LRP1B: variants seen among roughly 807,000 people sequenced by gnomAD.
The protein encoded by LRP1B is low-density lipoprotein receptor-related protein 1B.
A neutral mutation model predicts 556.6 loss-of-function variants in LRP1B; 217 were observed. That is an observed-to-expected ratio of 0.39 (90% CI 0.35 to 0.44). The LOEUF is 0.44. Among genes scored for constraint, LRP1B ranks in the 20% least tolerant of loss-of-function variants. LRP1B has a pLI of 1.00. For missense variants in LRP1B, 5,053 were observed against 5,620.8 expected (o/e 0.90, Z 3.23); for synonymous variants, 2,047 against 1,865.8 (o/e 1.10, Z -2.50).
chr2:140,883,827 G>A lies in LRP1B; in HGVS notation c.4159C>T (p.Pro1387Ser), dbSNP rs2105186629. 2 of 1,612,898 alleles carry A rather than the reference G, an allele frequency of 1.2e-6. No homozygotes were observed. The highest frequency in any genetic ancestry group is 1.7e-6 in the Non-Finnish European group (2 of 1,179,548). The change falls in exon 25 of 91, where the codon CCA (proline) becomes TCA (serine). Residue 1387 changes from proline (P) to serine (S), a missense_variant. This residue lies in a region of LRP1B where 3,619 missense variants were observed against 3,931.9 expected (regional missense o/e 0.92). Transcript: ENST00000389484. ...MEHPRAIALD[P>S]RYGILFWTDW... The stretch of plus-strand genomic sequence containing the variant: ...GGCAAACTTCTTTACCCATATCTTG[G>A]GTCCAAAGCAATGGCCCTGGGGTGT...
chr2:141,523,150 CCTT>C (rs59002262), intron 2 of LRP1B, among the ~76,000 whole-genome samples: 4,738 of 152,000 alleles, frequency 0.031, 265 homozygotes, highest in African/African-American at 0.11. Context: ...GTGCTGTAAA[CCTT>C]CTTAGAATTT....
intron 2 of LRP1B, among the ~76,000 whole-genome samples, chr2:141,606,867 G>A (rs1687932978): frequency 1.3e-5 from 2 of 152,046 alleles, no homozygotes; most frequent in African/African-American, 4.8e-5. Flanking sequence ...ACTATACGAG[G>A]AATATATTAA....
intron 1 of LRP1B, among the ~76,000 whole-genome samples, chr2:141,984,143 T>C (rs1702119562): frequency 2.0e-5 from 3 of 149,868 alleles, no homozygotes; most frequent in Admixed American, 6.6e-5. Context: ...AGAGGCTTGC[T>C]GAAAGAGTAA....
intron 1 of LRP1B, among the ~76,000 whole-genome samples, chr2:142,102,683 T>C (rs1706611497): frequency 2.0e-5 from 3 of 151,846 alleles, no homozygotes. Context: ...AATTGGGTCA[T>C]GGAAGATCTA....
At chr2:140,879,242 C>T (rs1476064504) in intron 25 of LRP1B, among the ~76,000 whole-genome samples, 1 of 152,036 alleles carries the variant, frequency 6.6e-6, no homozygotes, top group African/African-American at 2.4e-5. Context: ...GTGGAGAGTC[C>T]AACTATCCAT....
intron 22 of LRP1B, among the ~76,000 whole-genome samples, chr2:140,905,156 C>T (rs1314607120): frequency 3.9e-5 from 6 of 152,054 alleles, no homozygotes; most frequent in Non-Finnish European, 7.4e-5. Context: ...TAGACTTCAG[C>T]CTTGGCCAAT....
intron 1 of LRP1B, among the ~76,000 whole-genome samples, chr2:141,930,274 G>A (rs1245381022): frequency 1.3e-5 from 2 of 151,998 alleles, no homozygotes; most frequent in Admixed American, 6.6e-5. Context: ...ATGATTTTAA[G>A]TATTTGAGCT....
intron 1 of LRP1B, among the ~76,000 whole-genome samples, chr2:142,022,062 T>A (rs1435453913): frequency 6.6e-6 from 1 of 152,138 alleles, no homozygotes; most frequent in East Asian, 1.9e-4. Flanking sequence ...TAGATTTTTC[T>A]TATTAAAGTA....
At chr2:141,638,584 G>GTTT (rs1202371852) in intron 2 of LRP1B, among the ~76,000 whole-genome samples, 2 of 117,708 alleles carry the variant, frequency 1.7e-5, no homozygotes, top group Admixed American at 1.7e-4. Context: ...ACACACTGGA[G>GTTT]GCCGAGACCA....
chr2:141,788,643 T>C (rs902454361), intron 2 of LRP1B, among the ~76,000 whole-genome samples: 1 of 152,006 alleles, frequency 6.6e-6, no homozygotes, highest in African/African-American at 2.4e-5. Context: ...TAACTCATCA[T>C]TTAACATTTG....
intron 3 of LRP1B, among the ~76,000 whole-genome samples, chr2:141,464,606 A>ATATTTTTTTTTTTTTTTTTTT: frequency 0.11 from 9,657 of 85,898 alleles, 1,242 homozygotes; most frequent in Non-Finnish European, 0.17. Context: ...ATATATATAT[A>ATATTTTTTTTTTTTTTTTTTT]TTTTTTTAGT....
At position 141,642,271 on chromosome 2, in the gene LRP1B, C is replaced by T. The variant is rs1227697443; in HGVS notation, c.206-161738G>A. 2.0e-5 allele frequency among the ~76,000 whole-genome samples: 3 copies of T among 152,092 alleles called. No individual in the cohort carries two copies. In the East Asian group the frequency reaches 5.8e-4, roughly 29 times the overall value. On this transcript the variant is annotated intron_variant, in intron 2 of 90. Transcript: ENST00000389484. ...ATTAAAAGTAACAATTCATTTACCT[C>T]TCTGAATCTGTTTCCTCATTTAAAT...
At chr2:141,697,697 A>T (rs532757581) in intron 2 of LRP1B, among the ~76,000 whole-genome samples, 3 of 152,066 alleles carry the variant, frequency 2.0e-5, no homozygotes, top group Admixed American at 1.3e-4. Flanking sequence ...CTGAACATCA[A>T]ACATGCTTGA....
chr2:140,936,925 T>A (rs968537131), intron 20 of LRP1B, among the ~76,000 whole-genome samples: 2 of 152,144 alleles, frequency 1.3e-5, no homozygotes, highest in Non-Finnish European at 2.9e-5. Context: ...ACCAACCTAA[T>A]ATAAGGCTGT....
At chr2:141,061,048 G>A (rs1447932481) in intron 8 of LRP1B, among the ~76,000 whole-genome samples, 7 of 151,648 alleles carry the variant, frequency 4.6e-5, no homozygotes, top group Admixed American at 4.6e-4. Flanking sequence ...AAAGAGAAGG[G>A]CCATGATAAT....
At chr2:140,308,241 T>C (rs1397303201) in intron 83 of LRP1B, among the ~76,000 whole-genome samples, 1 of 151,774 alleles carries the variant, frequency 6.6e-6, no homozygotes, top group Non-Finnish European at 1.5e-5. Context: ...TTAAACTGAT[T>C]ATGGAAACAT....
chr2:141,321,529 G>A (rs549966840), intron 3 of LRP1B, among the ~76,000 whole-genome samples: 16 of 152,078 alleles, frequency 1.1e-4, no homozygotes, highest in African/African-American at 3.6e-4. Context: ...GTTATAACCC[G>A]CTCATATTCC....
At chr2:141,844,469 G>A (rs1291007261) in intron 1 of LRP1B, among the ~76,000 whole-genome samples, 1 of 152,064 alleles carries the variant, frequency 6.6e-6, no homozygotes, top group African/African-American at 2.4e-5. Flanking sequence ...AACCTATGAT[G>A]CTAGTGACAG....
intron 86 of LRP1B, among the ~76,000 whole-genome samples, chr2:140,255,109 G>T (rs1017769738): frequency 6.6e-6 from 1 of 152,142 alleles, no homozygotes; most frequent in African/African-American, 2.4e-5. Flanking sequence ...TAACAAATTT[G>T]TCTATCTTAC....
Sources: allele counts gnomAD v4.1 joint callset (sites outside exome capture counted in the v4.1 genomes callset), GRCh38; gene constraint gnomAD v4.1.1; regional missense constraint gnomAD v4.1.1; transcripts MANE v1.5; gene names NCBI Gene and HGNC (gene_info 2026-07-23, HGNC 2026-07-21).